The following AMPH variants were observed in gnomAD, a reference collection of about 807,000 sequenced individuals.
AMPH encodes the protein amphiphysin, also known as amphiphysin (Stiff-Mann syndrome with breast cancer 128kD autoantigen).
Under a neutral mutation model 99.1 loss-of-function variants are expected in AMPH, and 49 were observed. The ratio of observed to expected loss-of-function variants is 0.49; its 90% CI spans 0.39 to 0.63. The LOEUF (loss-of-function observed/expected upper bound fraction) is 0.63. Ranked by LOEUF, AMPH falls within the 20% of genes least tolerant of loss-of-function variation. The probability of loss-of-function intolerance (pLI) is 0.00; values close to 1 mark genes in which losing one functional copy is unlikely to be tolerated. For synonymous variants in AMPH, 314 were observed against 317.3 expected (o/e 0.99, Z 0.11); for missense variants, 759 against 863.4 (o/e 0.88, Z 1.52).
At chr7:38,555,950 G>A (rs1791347237) in intron 1 of AMPH, among the ~76,000 whole-genome samples, 1 of 152,058 alleles carries the variant, frequency 6.6e-6, no homozygotes, top group Admixed American at 6.6e-5. Flanking sequence ...AACAGACAAT[G>A]GGGACTCCTA....
chr7:38,548,244 T>C (rs1358412125), intron 1 of AMPH, among the ~76,000 whole-genome samples: 1 of 151,968 alleles, frequency 6.6e-6, no homozygotes, highest in Non-Finnish European at 1.5e-5. Flanking sequence ...TTAGCCAGGA[T>C]GGTCTCGATC....
At chr7:38,617,179 A>G (rs28754843) in intron 1 of AMPH, among the ~76,000 whole-genome samples, 12,195 of 152,006 alleles carry the variant, frequency 0.08, 798 homozygotes, top group African/African-American at 0.17. Flanking sequence ...AAGGTGTGAG[A>G]GGAATGTGTG....
intron 10 of AMPH, 119 bp from the exon 11 acceptor site, chr7:38,461,530 A>T: frequency 8.4e-7 from 1 of 1,185,248 alleles, no homozygotes; most frequent in Non-Finnish European, 1.2e-6. Context: ...TTGTATCTGC[A>T]TATAGCAGCA....
chr7:38,525,970 G>C (rs780419741), intron 2 of AMPH, among the ~76,000 whole-genome samples: 8 of 152,148 alleles, frequency 5.3e-5, no homozygotes, highest in Non-Finnish European at 8.8e-5. Flanking sequence ...ATGCATAAGA[G>C]TGCAGTTTTT....
At chr7:38,562,811 C>T (rs559574680) in intron 1 of AMPH, among the ~76,000 whole-genome samples, 1 of 152,270 alleles carries the variant, frequency 6.6e-6, no homozygotes, top group African/African-American at 2.4e-5. Context: ...ATCAGCAATG[C>T]AAGGAGTGTG....
intron 15 of AMPH, among the ~76,000 whole-genome samples, chr7:38,424,089 T>A (rs972776905): frequency 6.6e-6 from 1 of 152,070 alleles, no homozygotes; most frequent in Non-Finnish European, 1.5e-5. Flanking sequence ...ACAAAATAAA[T>A]CTTCCCTGGG....
chr7:38,546,185 C>T (rs1047678328), intron 1 of AMPH, among the ~76,000 whole-genome samples: 2 of 152,186 alleles, frequency 1.3e-5, no homozygotes, highest in African/African-American at 4.8e-5. Context: ...TTCTGGCTAT[C>T]TGAGGCTGCC....
At chr7:38,452,435 C>G (rs1787072795) in intron 11 of AMPH, among the ~76,000 whole-genome samples, 1 of 152,102 alleles carries the variant, frequency 6.6e-6, no homozygotes, top group Non-Finnish European at 1.5e-5. Context: ...ATCTATTTAT[C>G]TGTAGATTAT....
In AMPH at chr7:38,429,847, G is replaced by C. The variant is rs762654210; in HGVS notation, c.1177C>G (p.Gln393Glu). ...TGATCTGGATATTTACCTACCGGCT[G>C]TACCAAATCAGTGCTTGTCTGTATG... The part of the protein sequence containing the change: ...DLWTTSTDLV[Q>E]PASGGSFNGF... The change falls in exon 14 of 21, where the codon CAG becomes GAG. Residue 393 changes from glutamine to glutamate, a missense_variant. Around this residue, in one of 2 missense-constraint regions of AMPH, gnomAD observed 554 missense variants for 575.6 expected, o/e 0.96. Coordinates refer to ENST00000356264, the MANE Select transcript of AMPH (RefSeq NM_001635.4). The C allele has an allele frequency of 6.2e-7, 1 of 1,605,840 alleles. No homozygotes were observed.
chr7:38,612,084 C>CTTTTTTTTTTTTTTTTTTTTTTTTTTT (rs777855014), intron 1 of AMPH, among the ~76,000 whole-genome samples: 2 of 90,860 alleles, frequency 2.2e-5, no homozygotes, highest in Non-Finnish European at 4.2e-5. Flanking sequence ...TTTTTGTCTT[C>CTTTTTTTTTTTTTTTTTTTTTTTTTTT]TTCTTTTTTT....
chr7:38,569,969 T>C (rs1355984330), intron 1 of AMPH, among the ~76,000 whole-genome samples: 2 of 152,178 alleles, frequency 1.3e-5, no homozygotes, highest in Non-Finnish European at 2.9e-5. Context: ...GAATTTCATT[T>C]TTTCAATCTA....
chr7:38,396,785 G>A (rs191778289), intron 17 of AMPH, among the ~76,000 whole-genome samples: 1 of 152,268 alleles, frequency 6.6e-6, no homozygotes, highest in Non-Finnish European at 1.5e-5. Flanking sequence ...TAAATTAGTA[G>A]GGCATCTTAA....
chr7:38,406,723 TCCCTTTCC>T lies in AMPH; in HGVS notation c.1398+11094_1398+11101del, dbSNP rs796535220. Among the ~76,000 whole-genome samples, 74 of 82,946 alleles carry T rather than the reference TCCCTTTCC, an allele frequency of 8.9e-4. 1 individual carries two copies. The highest frequency in any genetic ancestry group is 2.0e-3 in the African/African-American group (44 of 22,226). The allele number at this position is 82,946 out of a possible 152,430, so 54.4% of individuals were successfully genotyped here. ...AGTTCTCTCTCCTCTCCTCTCTCTC[TCCCTTTCC>T]CTCTCTCTCTCTCTCTCTCTCTCTC... On this transcript the variant is annotated intron_variant, in intron 17 of 20. Coordinates refer to ENST00000356264, the MANE Select transcript of AMPH (RefSeq NM_001635.4).
At chr7:38,484,410 G>T (rs181898585) in intron 5 of AMPH, among the ~76,000 whole-genome samples, 3 of 152,206 alleles carry the variant, frequency 2.0e-5, no homozygotes, top group Admixed American at 2.0e-4. Context: ...ACTATTAGTG[G>T]ATTTTTAGCA....
chr7:38,406,906 A>G (rs1785026660), intron 17 of AMPH, among the ~76,000 whole-genome samples: 1 of 149,394 alleles, frequency 6.7e-6, no homozygotes, highest in African/African-American at 2.5e-5. Flanking sequence ...CCTGGTTTGA[A>G]GCTTTCAGAC....
intron 17 of AMPH, among the ~76,000 whole-genome samples, chr7:38,411,273 C>A (rs1488083367): frequency 6.6e-6 from 1 of 152,152 alleles, no homozygotes; most frequent in Non-Finnish European, 1.5e-5. Context: ...CACAGTATGG[C>A]CTTCTTTACT....
At chr7:38,577,755 A>T (rs56265708) in intron 1 of AMPH, among the ~76,000 whole-genome samples, 41,140 of 150,306 alleles carry the variant, frequency 0.27, 5,805 homozygotes, top group Non-Finnish European at 0.33. Context: ...GGAAGGAAGA[A>T]AAAAGGAAGG....
At chr7:38,532,711 T>C (rs546563519) in intron 2 of AMPH, among the ~76,000 whole-genome samples, 21 of 144,522 alleles carry the variant, frequency 1.5e-4, no homozygotes, top group African/African-American at 5.4e-4. Flanking sequence ...CAAAAAACAA[T>C]CCTCACCTGG....
chr7:38,564,111 C>A (rs556682546), intron 1 of AMPH, among the ~76,000 whole-genome samples: 5 of 152,288 alleles, frequency 3.3e-5, no homozygotes, highest in South Asian at 4.1e-4. Context: ...TGAATTAGAA[C>A]AAATCCCTAG....
Sources: gnomAD v4.1 joint callset for allele counts (sites outside exome capture counted in the v4.1 genomes callset) on GRCh38, gnomAD v4.1.1 for gene constraint, gnomAD v4.1.1 regional missense constraint, MANE v1.5 for transcripts, NCBI Gene and HGNC (gene_info 2026-07-23, HGNC 2026-07-21) for gene names.